C1QTNF9: variants seen among roughly 807,000 people sequenced by gnomAD.
C1QTNF9 encodes complement C1q and tumor necrosis factor-related protein 9A.
A neutral mutation model predicts 10.1 loss-of-function variants in C1QTNF9; 6 were observed. That is an observed-to-expected ratio of 0.59 (90% confidence interval 0.32 to 1.17). The LOEUF (loss-of-function observed/expected upper bound fraction) is 1.17. C1QTNF9 is among the 50% of genes most tolerant of loss of function. The pLI is 0.04. For synonymous variants in C1QTNF9, 98 were observed against 163.5 expected (o/e 0.60, Z 3.06); for missense variants, 201 against 418.8 (o/e 0.48, Z 4.54).
chr13:24,316,063 G>A (rs370609018), exon 2 of C1QTNF9: 1 of 1,613,626 alleles, frequency 6.2e-7, no homozygotes, highest in Non-Finnish European at 8.5e-7. Context: ...TAAACTCACA[G>A]GACACCTGCA....
intron 2 of C1QTNF9, among the ~76,000 whole-genome samples, chr13:24,317,840 C>A (rs1254450494): frequency 1.3e-5 from 2 of 150,396 alleles, no homozygotes; most frequent in South Asian, 2.1e-4. Flanking sequence ...AGGGGAGCAG[C>A]CAGTGGAGGG....
At chr13:24,314,550 G>A (rs1877956403) in intron 1 of C1QTNF9, among the ~76,000 whole-genome samples, 1 of 152,290 alleles carries the variant, frequency 6.6e-6, no homozygotes, top group African/African-American at 2.4e-5. Flanking sequence ...AGGCGTGGTG[G>A]TGGCGCCTGT....
upstream of C1QTNF9, among the ~76,000 whole-genome samples, chr13:24,308,618 C>T (rs979789432): frequency 7.9e-5 from 12 of 152,206 alleles, no homozygotes; most frequent in Non-Finnish European, 1.2e-4. Context: ...GGGCGAGCCC[C>T]GCACCCACCC....
At chr13:24,313,675 A>C (rs1423495018) in intron 1 of C1QTNF9, among the ~76,000 whole-genome samples, 1 of 152,244 alleles carries the variant, frequency 6.6e-6, no homozygotes, top group South Asian at 2.1e-4. Context: ...ATGGCAATAC[A>C]GTCTTTGGAT....
chr13:24,313,938 T>G (rs959932273), intron 1 of C1QTNF9, among the ~76,000 whole-genome samples: 3 of 152,216 alleles, frequency 2.0e-5, no homozygotes, highest in African/African-American at 7.2e-5. Context: ...TACATGACCT[T>G]CATAATTATT....
chr13:24,322,186 T>C (rs565324077), exon 4 of C1QTNF9: 3 of 164,328 alleles, frequency 1.8e-5, no homozygotes, highest in African/African-American at 4.8e-5. Context: ...GATGCTGTCA[T>C]ACTCCAGAAA....
chr13:24,318,747 A>T lies in C1QTNF9; in HGVS notation c.167-71A>T, dbSNP rs1176229134. On this transcript the variant is annotated intron_variant, in intron 2 of 3. Transcript: ENST00000332018. ...CCAGACTCTCCAACACACATGGCTGATGGAGACCAATGGCCAGAAAAATCA... is the reference window on the plus strand; with the variant it reads ...CCAGACTCTCCAACACACATGGCTGTTGGAGACCAATGGCCAGAAAAATCA... 4.4e-6 allele frequency: 7 copies of T among 1,599,082 alleles called. No individual in the cohort carries two copies. The East Asian group carries it at 1.3e-4, about 31-fold the overall frequency.
At chr13:24,315,474 T>C (rs1055713974) in intron 1 of C1QTNF9, among the ~76,000 whole-genome samples, 4 of 152,270 alleles carry the variant, frequency 2.6e-5, no homozygotes, top group African/African-American at 9.6e-5. Flanking sequence ...TGGGTTGCTA[T>C]GGAAAATAAT....
At chr13:24,307,626 T>TC (rs1370514163), upstream of C1QTNF9, among the ~76,000 whole-genome samples, 2 of 152,104 alleles carry the variant, frequency 1.3e-5, no homozygotes, top group Non-Finnish European at 2.9e-5. Flanking sequence ...AGTGATCTGC[T>TC]CCTCCCAACC....
chr13:24,315,087 G>A (rs1432119380), intron 1 of C1QTNF9, among the ~76,000 whole-genome samples: 1 of 151,860 alleles, frequency 6.6e-6, no homozygotes, highest in Non-Finnish European at 1.5e-5. Flanking sequence ...CCATCTTAAG[G>A]GCACAATTCA....
At chr13:24,311,285 GA>G (rs958994668) in intron 1 of C1QTNF9, among the ~76,000 whole-genome samples, 1 of 152,244 alleles carries the variant, frequency 6.6e-6, no homozygotes, top group African/African-American at 2.4e-5. Flanking sequence ...GCAAAGGACA[GA>G]TATAGGTAAA....
Position 24,316,502 on chromosome 13 carries a change from T to C in C1QTNF9, c.166+333T>C, listed in dbSNP as rs183083439. Among the ~76,000 whole-genome samples, 275 of 152,268 alleles carry C rather than the reference T, an allele frequency of 1.8e-3. 2 individuals are homozygous for C. The highest frequency in any genetic ancestry group is 6.2e-3 in the African/African-American group (258 of 41,540). On this transcript the variant is annotated intron_variant, in intron 2 of 3. Coordinates refer to ENST00000332018, the Ensembl canonical transcript of C1QTNF9. ...GTATACGATGTCATGGATCCTCCCA[T>C]CTCAGGTGACAGGTATGATGGATTT...
chr13:24,319,460 G>A (rs1878164737), intron 3 of C1QTNF9, among the ~76,000 whole-genome samples: 1 of 152,138 alleles, frequency 6.6e-6, no homozygotes. Flanking sequence ...GATCGCTTGA[G>A]CCTGGGAGGT....
chr13:24,315,859 T>C (rs113352291), intron 1 of C1QTNF9, 123 bp from the exon 2 acceptor site: 68,818 of 1,009,852 alleles, frequency 0.068, 4,583 homozygotes, highest in Middle Eastern at 0.14. Flanking sequence ...CTGTCCAAGT[T>C]TGTGCAGGTG....
chr13:24,312,082 G>A (rs1185840238), intron 1 of C1QTNF9, among the ~76,000 whole-genome samples: 1 of 152,206 alleles, frequency 6.6e-6, no homozygotes, highest in African/African-American at 2.4e-5. Context: ...AGGTGAGAAG[G>A]GGTGTTGGAG....
At chr13:24,308,286 G>T (rs976304456), upstream of C1QTNF9, among the ~76,000 whole-genome samples, 55 of 152,342 alleles carry the variant, frequency 3.6e-4, no homozygotes, top group African/African-American at 1.2e-3. Flanking sequence ...CCAGCAGGAG[G>T]TCGGGGACCC....
At position 24,316,304 on chromosome 13, in the gene C1QTNF9, C is replaced by T. The variant is rs551565647; in HGVS notation, c.166+135C>T. ...CCATACATACATCAACCCAGCAACACTCACTGGAGCCTGACCCCATTCATC... is the reference window on the plus strand; with the variant it reads ...CCATACATACATCAACCCAGCAACATTCACTGGAGCCTGACCCCATTCATC... On this transcript the variant is annotated intron_variant, in intron 2 of 3. Transcript: ENST00000332018. 626 of 1,308,652 alleles carry T rather than the reference C, an allele frequency of 4.8e-4. 8 individuals carry two copies. The African/African-American group carries it at 6.4e-3, about 13-fold the overall frequency. The allele number at this position is 1,308,652 out of a possible 1,614,324, so 81.1% of individuals were successfully genotyped here.
upstream of C1QTNF9, among the ~76,000 whole-genome samples, chr13:24,307,393 C>A (rs1452436086): frequency 7.2e-5 from 11 of 152,240 alleles, no homozygotes; most frequent in Admixed American, 1.3e-4. Flanking sequence ...TGCCCTCTGA[C>A]TGCCCCTGAA....
chr13:24,318,703 G>C (rs9580939), intron 2 of C1QTNF9, 115 bp from the exon 3 acceptor site: 412,464 of 1,409,026 alleles, frequency 0.29, 33,366 homozygotes, highest in African/African-American at 0.34. Flanking sequence ...CAGAGTGCCC[G>C]TCAGGGCGGG....
Sources: gnomAD v4.1 joint callset for allele counts (sites outside exome capture counted in the v4.1 genomes callset) on GRCh38, gnomAD v4.1.1 for gene constraint, MANE v1.5 for transcripts, NCBI Gene and HGNC (gene_info 2026-07-23, HGNC 2026-07-21) for gene names.